Variants in PARD3B observed in about 807,000 individuals in gnomAD.
PARD3B encodes the protein partitioning defective 3 homolog B.
Under a neutral mutation model 130.2 loss-of-function variants are expected in PARD3B, and 103 were observed. The ratio of observed to expected loss-of-function variants is 0.79; its 90% CI spans 0.67 to 0.93. The LOEUF is 0.93. Among genes scored for constraint, PARD3B ranks in the 40% least tolerant of loss-of-function variants. PARD3B has a pLI of 0.00. For missense variants in PARD3B, 1,609 were observed against 1,499.2 expected (o/e 1.07, Z -1.21); for synonymous variants, 583 against 553.2 (o/e 1.05, Z -0.76).
rs111510915 is a variant in PARD3B at position 205,200,793 on chromosome 2, G to A, written c.2140+7473G>A. On this transcript the variant is annotated intron_variant, in intron 15 of 22. Coordinates refer to ENST00000406610, the MANE Select transcript of PARD3B (RefSeq NM_001302769.2). ...CCAAATTCAGGTAGAGAGAATGACT[G>A]AGGGGACGTGAAGGTATTTTAGATG... Among the ~76,000 whole-genome samples, 1,179 of 152,308 alleles carry A rather than the reference G, an allele frequency of 7.7e-3. 16 individuals carry two copies. The highest frequency in any genetic ancestry group is 0.014 in the Middle Eastern group (4 of 294).
chr2:205,299,851 A>G (rs2105900157), intron 16 of PARD3B, among the ~76,000 whole-genome samples: 1 of 152,374 alleles, frequency 6.6e-6, no homozygotes, highest in East Asian at 1.9e-4. Flanking sequence ...GAACTATAGC[A>G]TCGACACAGA....
Position 205,440,572 on chromosome 2 carries a change from T to C in PARD3B, c.2944T>C (p.Tyr982His). 6.2e-7 allele frequency: 1 copy of C among 1,614,104 alleles called. No individual in the cohort carries two copies. Residue 982 changes from tyrosine (Y) to histidine (H), a missense_variant, in exon 20 of 23, where the codon TAC becomes CAC. By Grantham distance (83) the Tyr-to-His change is moderately conservative (BLOSUM62 2). Coordinates refer to ENST00000406610, the MANE Select transcript of PARD3B (RefSeq NM_001302769.2). This position sits in a 1 kb window ranked among gnomAD's most constrained non-coding sequence, Gnocchi z 4.2. The part of the protein sequence containing the change: ...PSPPRAGPFG[Y>H]PRDGHPLSPE... ...TCCCCCTCGAGCTGGACCATTTGGT[T>C]ACCCTCGGGATGGCCATCCACTGTC...
chr2:205,002,875 C>G (rs1694957680), intron 3 of PARD3B, among the ~76,000 whole-genome samples: 1 of 152,192 alleles, frequency 6.6e-6, no homozygotes, highest in Non-Finnish European at 1.5e-5. Flanking sequence ...TCTTACATTT[C>G]TGGAGTCTCG....
At chr2:205,474,951 G>C (rs887042179) in intron 20 of PARD3B, among the ~76,000 whole-genome samples, 1 of 152,070 alleles carries the variant, frequency 6.6e-6, no homozygotes, top group Admixed American at 6.6e-5. Flanking sequence ...GAAGTTTTCA[G>C]CTCGCCTCAG....
intron 5 of PARD3B, among the ~76,000 whole-genome samples, chr2:205,107,096 A>G (rs13000345): frequency 0.18 from 27,237 of 152,204 alleles, 2,672 homozygotes; most frequent in Middle Eastern, 0.29. Context: ...TTTGTAGTCT[A>G]TCTCAAAATG....
chr2:205,062,764 A>G (rs992074569), intron 4 of PARD3B, among the ~76,000 whole-genome samples: 1 of 152,204 alleles, frequency 6.6e-6, no homozygotes, highest in African/African-American at 2.4e-5. Context: ...ATATTTTTGT[A>G]TCTTTTGCAG....
At position 204,994,705 on chromosome 2, in the gene PARD3B, G is replaced by A. The variant is rs1693993919; in HGVS notation, c.394+29382G>A. Among the ~76,000 whole-genome samples the A allele has an allele frequency of 2.7e-5, 4 of 150,012 alleles. No homozygotes were observed. In the South Asian group the frequency reaches 6.5e-4, roughly 24 times the overall value. On this transcript the variant is annotated intron_variant, in intron 3 of 22. Coordinates refer to ENST00000406610, the MANE Select transcript of PARD3B (RefSeq NM_001302769.2). ...TGTTAAAGTCTCCCATTATTAATGT[G>A]TGGGAGTCTAAGTCTCTTTGTAGGT...
chr2:204,877,556 TGA>T (rs1366970721), intron 2 of PARD3B, among the ~76,000 whole-genome samples: 2 of 152,148 alleles, frequency 1.3e-5, no homozygotes, highest in Non-Finnish European at 2.9e-5. Context: ...ATGCCTATAC[TGA>T]GAGAAGACTG....
Position 205,352,953 on chromosome 2 carries a change from A to G in PARD3B, c.2631-48060A>G, listed in dbSNP as rs1313601998. ...ATGTTTCATCTTTCTGTTTTTCAGA[A>G]GTCTCCCCCAAAATGTTTTGAGACA... On this transcript the variant is annotated intron_variant, in intron 18 of 22. Coordinates refer to ENST00000406610, the MANE Select transcript of PARD3B (RefSeq NM_001302769.2). The surrounding 1 kb of genome is among the most constrained non-coding windows in gnomAD (Gnocchi z 5.2). Among the ~76,000 whole-genome samples, 1 of 152,174 alleles carries G rather than the reference A, an allele frequency of 6.6e-6. No homozygotes were observed. The highest frequency in any genetic ancestry group is 2.4e-5 in the African/African-American group (1 of 41,440).
At chr2:205,537,661 ACT>A (rs2051924134) in intron 21 of PARD3B, among the ~76,000 whole-genome samples, 1 of 151,972 alleles carries the variant, frequency 6.6e-6, no homozygotes, top group South Asian at 2.1e-4. Flanking sequence ...AGATGGACTC[ACT>A]CTCTACCTGC....
chr2:205,057,110 G>A (rs978288271), intron 4 of PARD3B, among the ~76,000 whole-genome samples: 3 of 151,284 alleles, frequency 2.0e-5, no homozygotes, highest in Admixed American at 6.6e-5. Context: ...TGTATAATTT[G>A]TAATTTGTCC....
chr2:204,812,059 A>T (rs2042980799), intron 2 of PARD3B, among the ~76,000 whole-genome samples: 2 of 152,172 alleles, frequency 1.3e-5, no homozygotes, highest in South Asian at 4.2e-4. Context: ...CTTCCAATCC[A>T]TTCTAAACTT....
At chr2:204,922,830 AC>A (rs2047735168) in intron 2 of PARD3B, among the ~76,000 whole-genome samples, 1 of 152,134 alleles carries the variant, frequency 6.6e-6, no homozygotes, top group South Asian at 2.1e-4. Context: ...CTCCTACCTG[AC>A]AAAAATCGTA....
intron 19 of PARD3B, among the ~76,000 whole-genome samples, chr2:205,412,601 T>C (rs566570284): frequency 4.9e-4 from 74 of 152,334 alleles, no homozygotes; most frequent in African/African-American, 1.7e-3. Context: ...TGCAAACTCT[T>C]TGTCCTAACA....
At chr2:204,617,920 C>T (rs960034895) in intron 1 of PARD3B, among the ~76,000 whole-genome samples, 2 of 152,154 alleles carry the variant, frequency 1.3e-5, no homozygotes, top group African/African-American at 4.8e-5. Context: ...GTATATGTAC[C>T]ACATTTCCTT....
rs2042015880 is a variant in PARD3B, at chr2:205,301,921, G to A, written c.2630+220G>A. 1.3e-6 allele frequency: 1 copy of A among 758,336 alleles called. No homozygotes were observed. 47.0% of individuals were successfully genotyped at this position (758,336 alleles called of 1,614,324 possible). On this transcript the variant is annotated intron_variant, in intron 18 of 22. Coordinates refer to ENST00000406610, the MANE Select transcript of PARD3B (RefSeq NM_001302769.2). This position sits in a 1 kb window ranked among gnomAD's most constrained non-coding sequence, Gnocchi z 5.2. ...ACACTGTCTTAAGTTTGTTGTCAAA[G>A]AAAGGTCAACACTATGCCAGGCACG...
chr2:205,392,959 A>C (rs907908942), intron 18 of PARD3B, among the ~76,000 whole-genome samples: 2 of 152,218 alleles, frequency 1.3e-5, no homozygotes, highest in Non-Finnish European at 2.9e-5. Context: ...GGGACCCCCA[A>C]AAAGGGGTTG....
At chr2:205,236,664 CAAG>C (rs1370581139) in intron 15 of PARD3B, among the ~76,000 whole-genome samples, 2 of 152,002 alleles carry the variant, frequency 1.3e-5, no homozygotes, top group African/African-American at 2.4e-5. Flanking sequence ...ATATCATGAC[CAAG>C]AAGATTTTAT....
intron 18 of PARD3B, among the ~76,000 whole-genome samples, chr2:205,319,799 TGCTTCCATAG>T (rs1344587522): frequency 6.6e-6 from 1 of 152,234 alleles, no homozygotes; most frequent in Non-Finnish European, 1.5e-5. Flanking sequence ...TACTTACAGC[TGCTTCCATAG>T]GCTCATGTGA....
Sources: allele counts gnomAD v4.1 joint callset (sites outside exome capture counted in the v4.1 genomes callset), GRCh38; gene constraint gnomAD v4.1.1; non-coding constraint Gnocchi (gnomAD v3.1); transcripts MANE v1.5; gene names NCBI Gene and HGNC (gene_info 2026-07-23, HGNC 2026-07-21).